ALCAM: variants seen among roughly 807,000 people sequenced by gnomAD.
ALCAM encodes activated leukocyte cell adhesion molecule, also known as CD166 antigen.
Under a neutral mutation model 70.9 loss-of-function variants are expected in ALCAM, and 30 were observed. The ratio of observed to expected loss-of-function variants is 0.42; its 90% CI spans 0.32 to 0.57. The LOEUF (loss-of-function observed/expected upper bound fraction) is 0.57, where lower values mean the gene tolerates loss of function less well. Ranked by LOEUF, ALCAM falls within the 20% of genes least tolerant of loss-of-function variation. The probability of loss-of-function intolerance (pLI) is 0.11; values close to 1 mark genes in which losing one functional copy is unlikely to be tolerated. For synonymous variants in ALCAM, 249 were observed against 242.5 expected (o/e 1.03, Z -0.25); for missense variants, 591 against 695.1 (o/e 0.85, Z 1.68).
intron 1 of ALCAM, among the ~76,000 whole-genome samples, chr3:105,467,352 TA>T (rs1937772840): frequency 6.6e-6 from 1 of 151,230 alleles, no homozygotes; most frequent in Non-Finnish European, 1.5e-5. Context: ...CAAAGGATGA[TA>T]TTTTTATCTA....
At chr3:105,466,673 C>T (rs1201550807) in intron 1 of ALCAM, among the ~76,000 whole-genome samples, 2 of 151,226 alleles carry the variant, frequency 1.3e-5, no homozygotes, top group African/African-American at 4.8e-5. Flanking sequence ...GGTTATAAAC[C>T]CTGAATGTTT....
In ALCAM at chr3:105,534,778, G is replaced by C. The variant is rs111722123; in HGVS notation, c.663G>C (p.Ser221=). 7.4e-6 allele frequency: 12 copies of C among 1,613,544 alleles called. No homozygotes were observed. In the Admixed American group the frequency reaches 2.0e-4, roughly 27 times the overall value. ...KADIQMPFTC[S]VTYYGPSGQK... is the part of the protein sequence containing the mutation. Reference sequence around the variant, plus strand: ...ACATACAAATGCCATTCACCTGCTCGGTGACATATTATGGACCATCTGGCC... The same window carrying C: ...ACATACAAATGCCATTCACCTGCTCCGTGACATATTATGGACCATCTGGCC... Residue 221 remains serine (S), a synonymous_variant, in exon 6 of 16, where the codon TCG becomes TCC. Transcript: ENST00000306107.
chr3:105,524,054 GA>G (rs973889217), intron 2 of ALCAM, among the ~76,000 whole-genome samples: 8 of 150,594 alleles, frequency 5.3e-5, no homozygotes, highest in East Asian at 1.9e-4. Flanking sequence ...TCTTCTCAAT[GA>G]AAAAAAAATC....
chr3:105,568,750 C>T (rs993674696), intron 14 of ALCAM, among the ~76,000 whole-genome samples: 4 of 152,176 alleles, frequency 2.6e-5, no homozygotes, highest in Non-Finnish European at 5.9e-5. Context: ...GAGGAAAAGC[C>T]ATGTAAAATT....
chr3:105,389,538 A>T (rs566536621), intron 1 of ALCAM, among the ~76,000 whole-genome samples: 5 of 151,428 alleles, frequency 3.3e-5, no homozygotes, highest in African/African-American at 1.2e-4. Context: ...ATTATTTTAA[A>T]ATAAACTACT....
intron 1 of ALCAM, among the ~76,000 whole-genome samples, chr3:105,403,761 T>A (rs1249137654): frequency 1.3e-5 from 2 of 151,394 alleles, no homozygotes; most frequent in Non-Finnish European, 2.9e-5. Flanking sequence ...AGAAAAAGAA[T>A]TTAGAAGGTT....
chr3:105,520,762 T>C (rs1939515663), intron 2 of ALCAM, among the ~76,000 whole-genome samples: 1 of 152,192 alleles, frequency 6.6e-6, no homozygotes, highest in African/African-American at 2.4e-5. Flanking sequence ...GTAGAGATCC[T>C]GGTAGGGAGA....
At position 105,524,414 on chromosome 3, in the gene ALCAM, C is replaced by A; in HGVS notation, c.300C>A (p.Ile100=). ...TCTCAGAAAACTACACTTTGTCTAT[C>A]AGTAATGCAAGGATCAGTGATGAAA... ...LNLSENYTLS[I]SNARISDEKR... is the part of the protein sequence containing the mutation. The change falls in exon 3 of 16, where the codon ATC becomes ATA. Residue 100 remains isoleucine, a synonymous_variant. Transcript: ENST00000306107. The A allele has an allele frequency of 2.5e-6, 4 of 1,614,120 alleles. No individual in the cohort carries two copies. The highest frequency in any genetic ancestry group is 3.4e-6 in the Non-Finnish European group (4 of 1,180,002).
intron 1 of ALCAM, among the ~76,000 whole-genome samples, chr3:105,443,581 A>G (rs1172194981): frequency 6.6e-6 from 1 of 152,252 alleles, no homozygotes; most frequent in Non-Finnish European, 1.5e-5. Flanking sequence ...CTCTTAAACC[A>G]GTAAAATATA....
intron 1 of ALCAM, among the ~76,000 whole-genome samples, chr3:105,516,662 A>G (rs1342288543): frequency 6.6e-6 from 1 of 152,094 alleles, no homozygotes; most frequent in South Asian, 2.1e-4. Flanking sequence ...TTTTAATAGC[A>G]ACAGTAATAA....
At chr3:105,454,405 C>T (rs1199643620) in intron 1 of ALCAM, among the ~76,000 whole-genome samples, 1 of 152,098 alleles carries the variant, frequency 6.6e-6, no homozygotes, top group Non-Finnish European at 1.5e-5. Flanking sequence ...ATGGCTGGAT[C>T]TGGGTACTGA....
intron 1 of ALCAM, among the ~76,000 whole-genome samples, chr3:105,416,489 CATATA>C (rs1384254946): frequency 6.6e-6 from 1 of 151,982 alleles, no homozygotes; most frequent in African/African-American, 2.4e-5. Flanking sequence ...ATAAATAATA[CATATA>C]ATATACTTAG....
intron 1 of ALCAM, among the ~76,000 whole-genome samples, chr3:105,393,939 GCTCA>G (rs1559776077): frequency 6.6e-6 from 1 of 151,782 alleles, no homozygotes; most frequent in African/African-American, 2.4e-5. Flanking sequence ...TTTATTTTAA[GCTCA>G]CTCAAATATA....
At chr3:105,382,711 T>C (rs1239911808) in intron 1 of ALCAM, among the ~76,000 whole-genome samples, 1 of 152,108 alleles carries the variant, frequency 6.6e-6, no homozygotes, top group Admixed American at 6.6e-5. Context: ...CATTTTTTCA[T>C]GTGTCTCTTG....
At chr3:105,406,711 A>C (rs1200193048) in intron 1 of ALCAM, among the ~76,000 whole-genome samples, 1 of 152,154 alleles carries the variant, frequency 6.6e-6, no homozygotes, top group Non-Finnish European at 1.5e-5. Flanking sequence ...CAACTAAATG[A>C]AATTTAAACG....
chr3:105,552,596 GAA>G lies in ALCAM; in HGVS notation c.1664+16_1664+17del. 1 of 1,610,542 alleles carries G rather than the reference GAA, an allele frequency of 6.2e-7. No homozygotes were observed. The highest frequency in any genetic ancestry group is 8.5e-7 in the Non-Finnish European group (1 of 1,177,680). On this transcript the variant is annotated intron_variant, in intron 14 of 15. Transcript: ENST00000306107. ...CATGAAGAAGTCAAAGTGAGTTGTG[GAA>G]AAAAGATCTTCATCGTTCATTGACT... is the stretch of plus-strand genomic sequence containing the variant.
chr3:105,410,528 A>G (rs935295256), intron 1 of ALCAM, among the ~76,000 whole-genome samples: 3 of 152,064 alleles, frequency 2.0e-5, no homozygotes, highest in African/African-American at 4.8e-5. Context: ...ATACACATAC[A>G]TGAACCACCA....
chr3:105,457,530 C>T (rs915566904), intron 1 of ALCAM, among the ~76,000 whole-genome samples: 1 of 151,872 alleles, frequency 6.6e-6, no homozygotes, highest in Non-Finnish European at 1.5e-5. Flanking sequence ...CAAACCTGCA[C>T]TTGTACCCCT....
At chr3:105,541,819 T>C in intron 8 of ALCAM, 54 bp downstream of exon 8, 3 of 1,582,796 alleles carry the variant, frequency 1.9e-6, no homozygotes, top group Non-Finnish European at 1.7e-6. Context: ...TCTAATAGCT[T>C]AATGTAGCTA....
Sources: allele counts gnomAD v4.1 joint callset (sites outside exome capture counted in the v4.1 genomes callset), GRCh38; gene constraint gnomAD v4.1.1; transcripts MANE v1.5; gene names NCBI Gene and HGNC (gene_info 2026-07-23, HGNC 2026-07-21).